The following WNT7A variants were observed in gnomAD, a reference collection of about 807,000 sequenced individuals.
The protein encoded by WNT7A is protein Wnt-7a.
A neutral mutation model predicts 28.2 loss-of-function variants in WNT7A; 16 were observed. That is an observed-to-expected ratio of 0.57 (90% CI 0.38 to 0.86). The LOEUF (loss-of-function observed/expected upper bound fraction) is 0.86, where lower values mean the gene tolerates loss of function less well. Ranked by LOEUF, WNT7A falls within the 40% of genes least tolerant of loss-of-function variation. The pLI is 0.00. For missense variants in WNT7A, 411 were observed against 489.7 expected (o/e 0.84, Z 1.52); for synonymous variants, 190 against 195.9 (o/e 0.97, Z 0.25).
rs1694698438 is a variant in WNT7A at position 13,854,607 on chromosome 3, G to C, written c.495C>G (p.Val165=). Residue 165 remains valine, a synonymous_variant, in exon 3 of 4, where the codon GTC becomes GTG. Coordinates refer to ENST00000285018, the MANE Select transcript of WNT7A (RefSeq NM_004625.4). ...GCTTGATCTCCCGGGCATCCACAAA[G>C]ACCTTGGCGAAGCCGATGCCGTAGC... ...DIRYGIGFAK[V]FVDAREIKQN... The C allele has an allele frequency of 6.2e-7, 1 of 1,614,208 alleles. No individual in the cohort carries two copies. Among genetic ancestry groups the C allele is most frequent in the East Asian group, 2.2e-5 (1 of 44,866 alleles).
intron 1 of WNT7A, chr3:13,877,301 GA>G (rs1695124205): frequency 1.3e-5 from 2 of 152,310 alleles, no homozygotes; most frequent in Admixed American, 1.3e-4. Flanking sequence ...GGACCTGGAG[GA>G]AGGTTCTCAG....
At chr3:13,867,701 C>T (rs1039371319) in intron 2 of WNT7A, among the ~76,000 whole-genome samples, 5 of 152,208 alleles carry the variant, frequency 3.3e-5, no homozygotes, top group Non-Finnish European at 7.3e-5. Context: ...CTGGTCTAAC[C>T]CTGGTTTCCC....
intron 1 of WNT7A, chr3:13,875,941 C>T: frequency 6.6e-6 from 1 of 152,540 alleles, no homozygotes; most frequent in East Asian, 1.9e-4. Context: ...CAGGCAATGC[C>T]CTGCCCTCAA....
At chr3:13,873,405 G>A (rs540082200) in intron 2 of WNT7A, among the ~76,000 whole-genome samples, 26 of 152,116 alleles carry the variant, frequency 1.7e-4, no homozygotes, top group African/African-American at 5.8e-4. Context: ...TATTGGGATG[G>A]TATGGATTCA....
At position 13,857,533 on chromosome 3, in the gene WNT7A, G is replaced by A. The variant is rs573879288; in HGVS notation, c.299-2730C>T. On this transcript the variant is annotated intron_variant, in intron 2 of 3. Transcript: ENST00000285018. Reference sequence around the variant, plus strand: ...AGCCAGAATCTCCTGGAAATTGATCGCCACTTCCTGCATTTGCATAGATTT... The same window carrying A: ...AGCCAGAATCTCCTGGAAATTGATCACCACTTCCTGCATTTGCATAGATTT... Among the ~76,000 whole-genome samples the A allele has an allele frequency of 5.3e-5, 8 of 152,174 alleles. No homozygotes were observed. In the South Asian group the frequency reaches 1.5e-3, roughly 28 times the overall value.
At chr3:13,820,290 G>A (rs951560652) in intron 3 of WNT7A, among the ~76,000 whole-genome samples, 2 of 152,162 alleles carry the variant, frequency 1.3e-5, no homozygotes, top group African/African-American at 2.4e-5. Flanking sequence ...AATGAATGGA[G>A]GAAGGGGTAA....
chr3:13,827,094 G>A (rs1195795281), intron 3 of WNT7A, among the ~76,000 whole-genome samples: 1 of 152,220 alleles, frequency 6.6e-6, no homozygotes, highest in Non-Finnish European at 1.5e-5. Flanking sequence ...AGGACAGAGT[G>A]AGCAGGAAGG....
At chr3:13,844,930 G>C (rs1694515018) in intron 3 of WNT7A, among the ~76,000 whole-genome samples, 1 of 152,142 alleles carries the variant, frequency 6.6e-6, no homozygotes. Flanking sequence ...CTTCCCGGCA[G>C]ATTTGATAAC....
chr3:13,861,457 G>A (rs1037486461), intron 2 of WNT7A, among the ~76,000 whole-genome samples: 4 of 152,284 alleles, frequency 2.6e-5, no homozygotes, highest in Admixed American at 2.6e-4. Context: ...GTTCAGACAT[G>A]GCTTTGCCTT....
intron 1 of WNT7A, among the ~76,000 whole-genome samples, chr3:13,879,304 G>T (rs1369543390): frequency 6.6e-6 from 1 of 152,250 alleles, no homozygotes; most frequent in Non-Finnish European, 1.5e-5. Flanking sequence ...CTCTAGGAAC[G>T]GCTGTGCCGC....
At chr3:13,847,380 G>A (rs1012837084) in intron 3 of WNT7A, among the ~76,000 whole-genome samples, 1 of 152,240 alleles carries the variant, frequency 6.6e-6, no homozygotes, top group African/African-American at 2.4e-5. Flanking sequence ...GTCTGAGCCA[G>A]GAGCCAGGCC....
Position 13,818,938 on chromosome 3 carries a change from C to T in WNT7A, c.*6G>A. The stretch of plus-strand genomic sequence containing the variant: ...TTGCAGCGGGAGGGTGGTGTGCACA[C>T]GGGGCTCACTTGCACGTGTACATCT... On this transcript the variant is annotated 3_prime_UTR_variant, in exon 4 of 4. Coordinates refer to ENST00000285018, the MANE Select transcript of WNT7A (RefSeq NM_004625.4). The T allele has an allele frequency of 3.8e-6, 6 of 1,561,866 alleles. No homozygotes were observed. The highest frequency in any genetic ancestry group is 5.2e-6 in the Non-Finnish European group (6 of 1,147,948).
intron 3 of WNT7A, among the ~76,000 whole-genome samples, chr3:13,830,901 G>T (rs553216030): frequency 6.6e-6 from 1 of 152,098 alleles, no homozygotes; most frequent in Admixed American, 6.5e-5. Flanking sequence ...GGGCACACTG[G>T]GTAAGTGAGT....
At chr3:13,860,037 A>T (rs1694803164) in intron 2 of WNT7A, among the ~76,000 whole-genome samples, 1 of 151,792 alleles carries the variant, frequency 6.6e-6, no homozygotes, top group Non-Finnish European at 1.5e-5. Flanking sequence ...GCATGAGCAC[A>T]GAGTTAGCCA....
At position 13,817,226 on chromosome 3, in the gene WNT7A, T is replaced by A. The variant is rs114109337; in HGVS notation, c.*1718A>T. The A allele has an allele frequency of 2.0e-5, 3 of 152,114 alleles. No individual in the cohort carries two copies. Among genetic ancestry groups the A allele is most frequent in the Non-Finnish European group, 2.9e-5 (2 of 68,090 alleles). 9.4% of individuals were successfully genotyped at this position (152,114 alleles called of 1,614,324 possible). A position where few individuals can be genotyped will look rare whatever the true frequency, so the allele number is the denominator to read the frequency against. On this transcript the variant is annotated 3_prime_UTR_variant, in exon 4 of 4. Coordinates refer to ENST00000285018, the MANE Select transcript of WNT7A (RefSeq NM_004625.4). Reference sequence around the variant, plus strand: ...CTGCCTCATACCACCAGCCCTCACATGCAAGCAGAGACTCTGGGGAGCAGC... The same window carrying A: ...CTGCCTCATACCACCAGCCCTCACAAGCAAGCAGAGACTCTGGGGAGCAGC...
chr3:13,876,755 G>A (rs79931850), intron 1 of WNT7A, among the ~76,000 whole-genome samples: 6 of 152,022 alleles, frequency 3.9e-5, no homozygotes, highest in East Asian at 3.9e-4. Flanking sequence ...CCCTGGAAGC[G>A]CTCTCACCCC....
chr3:13,854,884 AG>A, intron 2 of WNT7A, 81 bp from the exon 3 acceptor site: 4 of 1,578,778 alleles, frequency 2.5e-6, no homozygotes, highest in Non-Finnish European at 3.4e-6. Context: ...CTGAAGAGTG[AG>A]GCTGAGCTCA....
chr3:13,856,887 GA>G lies in WNT7A; in HGVS notation c.299-2085del, dbSNP rs1559303162. ...AGAGGAAGAGGAAGAAGAGGAAGAA[GA>G]AGAAAAAGAAGAAGAAGAAGAAGAA... On this transcript the variant is annotated intron_variant, in intron 2 of 3. Transcript: ENST00000285018. Among the ~76,000 whole-genome samples the G allele has an allele frequency of 2.1e-3, 143 of 68,608 alleles. 1 individual carries two copies. The highest frequency in any genetic ancestry group is 9.8e-3 in the African/African-American group (123 of 12,510). 45.0% of individuals were successfully genotyped at this position (68,608 alleles called of 152,430 possible).
At chr3:13,865,645 C>T (rs936389242) in intron 2 of WNT7A, among the ~76,000 whole-genome samples, 2 of 152,140 alleles carry the variant, frequency 1.3e-5, no homozygotes, top group African/African-American at 4.8e-5. Flanking sequence ...TGAGGTGCTC[C>T]CCAGACCCGT....
Sources: gnomAD v4.1 joint callset for allele counts (sites outside exome capture counted in the v4.1 genomes callset) on GRCh38, gnomAD v4.1.1 for gene constraint, MANE v1.5 for transcripts, NCBI Gene and HGNC (gene_info 2026-07-23, HGNC 2026-07-21) for gene names.